ABCA13: variants seen among roughly 807,000 people sequenced by gnomAD.
ABCA13 encodes the protein ATP-binding cassette sub-family A member 13.
ABCA13 carries 476 observed loss-of-function variants against 478.7 expected under a neutral mutation model. The observed-to-expected ratio is 0.99, with a 90% confidence interval of 0.92 to 1.07. ABCA13 has a LOEUF of 1.07. ABCA13 is among the 50% of genes least tolerant of loss of function. ABCA13 has a pLI of 0.00. For missense variants in ABCA13, 6,060 were observed against 5,910.6 expected, an observed-to-expected ratio of 1.03 and a Z score of -0.83; for synonymous variants, 2,252 against 2,158.9, an observed-to-expected ratio of 1.04 and a Z score of -1.20.
intron 27 of ABCA13, among the ~76,000 whole-genome samples, chr7:48,330,918 C>A (rs547356053): frequency 6.6e-6 from 1 of 152,104 alleles, no homozygotes; most frequent in Non-Finnish European, 1.5e-5. Context: ...TGGGTTTTTC[C>A]CTTCCTGATT....
At chr7:48,558,417 C>T (rs1786092954) in intron 55 of ABCA13, among the ~76,000 whole-genome samples, 1 of 151,756 alleles carries the variant, frequency 6.6e-6, no homozygotes, top group Non-Finnish European at 1.5e-5. Context: ...CTGCCTCAGC[C>T]TCCCGAGTAA....
At chr7:48,512,410 T>C (rs1044755229) in intron 51 of ABCA13, among the ~76,000 whole-genome samples, 3 of 152,224 alleles carry the variant, frequency 2.0e-5, no homozygotes, top group African/African-American at 7.2e-5. Flanking sequence ...AGATGTAATA[T>C]CCTGAGCTAT....
At chr7:48,561,984 A>G (rs1466422933) in intron 55 of ABCA13, among the ~76,000 whole-genome samples, 2 of 152,028 alleles carry the variant, frequency 1.3e-5, no homozygotes, top group Non-Finnish European at 2.9e-5. Context: ...AGTGTAGAAC[A>G]TGAAAACAGG....
chr7:48,296,007 A>T (rs151131307), intron 21 of ABCA13, 144 bp downstream of exon 21: 2 of 1,089,468 alleles, frequency 1.8e-6, no homozygotes, highest in East Asian at 5.5e-5. Flanking sequence ...TCCAAACATC[A>T]AAGTTTTCCA....
chr7:48,238,712 C>T (rs939161955), intron 8 of ABCA13, among the ~76,000 whole-genome samples: 3 of 152,206 alleles, frequency 2.0e-5, no homozygotes, highest in Admixed American at 6.5e-5. Flanking sequence ...TCGTGATCCA[C>T]CCGCCTCGGC....
intron 57 of ABCA13, among the ~76,000 whole-genome samples, chr7:48,591,230 AC>A (rs1789709522): frequency 6.6e-6 from 1 of 151,944 alleles, no homozygotes; most frequent in Non-Finnish European, 1.5e-5. Flanking sequence ...TATTGAAGAG[AC>A]TGTCCTTTTC....
intron 41 of ABCA13, among the ~76,000 whole-genome samples, chr7:48,425,743 T>G (rs1821313281): frequency 6.7e-6 from 1 of 148,272 alleles, no homozygotes; most frequent in African/African-American, 2.5e-5. Context: ...ATTTATTTAT[T>G]TATTTATTTA....
At chr7:48,625,959 G>C (rs1793624444) in intron 59 of ABCA13, among the ~76,000 whole-genome samples, 1 of 152,170 alleles carries the variant, frequency 6.6e-6, no homozygotes, top group Admixed American at 6.6e-5. Flanking sequence ...TGATGAAAAT[G>C]TGATTCCTAA....
At chr7:48,233,402 T>A (rs1584346277) in intron 7 of ABCA13, among the ~76,000 whole-genome samples, 1 of 152,220 alleles carries the variant, frequency 6.6e-6, no homozygotes, top group Non-Finnish European at 1.5e-5. Flanking sequence ...GATTTTGTCA[T>A]ACCTTGGGGG....
chr7:48,437,074 T>G lies in ABCA13; in HGVS notation c.12565+9203T>G, dbSNP rs1822942432. 2.0e-5 allele frequency among the ~76,000 whole-genome samples: 3 copies of G among 151,990 alleles called. No individual in the cohort carries two copies. The South Asian group carries it at 6.2e-4, about 31-fold the overall frequency. The stretch of plus-strand genomic sequence containing the variant: ...GTTGTTCAATTCTCTGTGTCTTTGT[T>G]GATAGTCTATCTGGTTATTCTATCC... On this transcript the variant is annotated intron_variant, in intron 42 of 61. Coordinates refer to ENST00000435803, the MANE Select transcript of ABCA13 (RefSeq NM_152701.5).
At chr7:48,429,884 T>G (rs1180537018) in intron 42 of ABCA13, among the ~76,000 whole-genome samples, 1 of 152,214 alleles carries the variant, frequency 6.6e-6, no homozygotes, top group East Asian at 1.9e-4. Flanking sequence ...TAAAACAACA[T>G]TGCATTCCTG....
chr7:48,467,546 A>G (rs541689932), intron 44 of ABCA13, among the ~76,000 whole-genome samples: 7 of 152,286 alleles, frequency 4.6e-5, no homozygotes, highest in African/African-American at 1.4e-4. Context: ...TGATCTTTCT[A>G]TGAAACCTGG....
At chr7:48,376,782 T>G (rs972974823) in intron 35 of ABCA13, among the ~76,000 whole-genome samples, 13 of 152,172 alleles carry the variant, frequency 8.5e-5, no homozygotes, top group Admixed American at 8.5e-4. Context: ...TGTGAGGGAA[T>G]AGCCAGGATG....
intron 55 of ABCA13, among the ~76,000 whole-genome samples, chr7:48,530,587 A>C (rs1833164644): frequency 6.6e-6 from 1 of 152,130 alleles, no homozygotes; most frequent in African/African-American, 2.4e-5. Flanking sequence ...TAGTGGTTGT[A>C]CTAGTTTACA....
At chr7:48,567,293 C>T (rs939379558) in intron 55 of ABCA13, among the ~76,000 whole-genome samples, 8 of 152,024 alleles carry the variant, frequency 5.3e-5, no homozygotes, top group African/African-American at 1.9e-4. Flanking sequence ...TAGAAAGATA[C>T]TGAGTAGAAA....
chr7:48,440,297 A>G (rs539805143), intron 42 of ABCA13, among the ~76,000 whole-genome samples: 1 of 152,248 alleles, frequency 6.6e-6, no homozygotes, highest in East Asian at 1.9e-4. Context: ...TCACAAGGGT[A>G]ATTGAATTAC....
chr7:48,505,581 CCACA>C (rs564516753), intron 48 of ABCA13, among the ~76,000 whole-genome samples: 71 of 152,228 alleles, frequency 4.7e-4, no homozygotes, highest in African/African-American at 1.6e-3. Context: ...CACATACAAG[CCACA>C]CATTTGACTC....
Position 48,646,476 on chromosome 7 carries a change from T to C in ABCA13, c.*964T>C, listed in dbSNP as rs1005579507. 2.6e-5 allele frequency: 4 copies of C among 152,162 alleles called. No homozygotes were observed. The highest frequency in any genetic ancestry group is 2.0e-4 in the Admixed American group (3 of 15,270). The allele number at this position is 152,162 out of a possible 1,614,324, so 9.4% of individuals were successfully genotyped here. A position where few individuals can be genotyped will look rare whatever the true frequency, so the allele number is the denominator to read the frequency against. On this transcript the variant is annotated 3_prime_UTR_variant, in exon 62 of 62. Coordinates refer to ENST00000435803, the MANE Select transcript of ABCA13 (RefSeq NM_152701.5). Reference sequence around the variant, plus strand: ...CCTAAGGGAATGTCTGGTTACCTCCTAGTTATACAAGCAAAATCTGCATAG... The same window carrying C: ...CCTAAGGGAATGTCTGGTTACCTCCCAGTTATACAAGCAAAATCTGCATAG...
intron 39 of ABCA13, among the ~76,000 whole-genome samples, chr7:48,407,565 CT>C (rs898491060): frequency 2.7e-4 from 41 of 150,624 alleles, no homozygotes; most frequent in African/African-American, 9.5e-4. Context: ...AGTATAACAA[CT>C]TTTTTTTTGA....
Sources: gnomAD v4.1 joint callset for allele counts (sites outside exome capture counted in the v4.1 genomes callset) on GRCh38, gnomAD v4.1.1 for gene constraint, MANE v1.5 for transcripts, NCBI Gene and HGNC (gene_info 2026-07-23, HGNC 2026-07-21) for gene names.